RIT2: variants seen among roughly 807,000 people sequenced by gnomAD.
The protein encoded by RIT2 is GTP-binding protein Rit2.
A neutral mutation model predicts 23.7 loss-of-function variants in RIT2; 24 were observed. The observed-to-expected ratio is 1.01, with a 90% CI of 0.73 to 1.43. The LOEUF is 1.43. RIT2 is among the 40% of genes most tolerant of loss of function. The probability of loss-of-function intolerance (pLI) is 0.00; values close to 1 mark genes in which losing one functional copy is unlikely to be tolerated. For missense variants in RIT2, 236 were observed against 266.9 expected, an observed-to-expected ratio of 0.88 and a Z score of 0.81; for synonymous variants, 107 against 91.1, an observed-to-expected ratio of 1.17 and a Z score of -0.99.
intron 4 of RIT2, among the ~76,000 whole-genome samples, chr18:42,831,213 G>T (rs1906447958): frequency 6.6e-6 from 1 of 152,142 alleles, no homozygotes; most frequent in Non-Finnish European, 1.5e-5. Flanking sequence ...TGAAAGGCAG[G>T]AATAGTTTCT....
chr18:42,780,177 C>T (rs2143930520), intron 4 of RIT2, among the ~76,000 whole-genome samples: 1 of 144,492 alleles, frequency 6.9e-6, no homozygotes, highest in Admixed American at 7.4e-5. Flanking sequence ...TTTAGGGAGG[C>T]AGAAGTTATA....
In RIT2 at chr18:42,923,732, A is replaced by G. The variant is rs1213491100; in HGVS notation, c.266T>C (p.Met89Thr). ...GATGATGAAGCCTTCCCCACCTCGCATGTACTGCTCCCGCATGGCTGTGAA... is the reference window on the plus strand; with the variant it reads ...GATGATGAAGCCTTCCCCACCTCGCGTGTACTGCTCCCGCATGGCTGTGAA... ...AEFTAMREQY[M>T]RGGEGFIICY... The change falls in exon 4 of 5, where the codon ATG becomes ACG. Residue 89 changes from methionine (M) to threonine (T), a missense_variant. By Grantham distance (81) the Met-to-Thr change is moderately conservative (BLOSUM62 -1). Transcript: ENST00000326695. 2 of 1,612,176 alleles carry G rather than the reference A, an allele frequency of 1.2e-6. No individual in the cohort carries two copies. Among genetic ancestry groups the G allele is most frequent in the African/African-American group, 1.3e-5 (1 of 74,360 alleles).
At chr18:42,823,812 C>A (rs1906220270) in intron 4 of RIT2, among the ~76,000 whole-genome samples, 1 of 152,090 alleles carries the variant, frequency 6.6e-6, no homozygotes, top group Non-Finnish European at 1.5e-5. Flanking sequence ...GGGCTCAATT[C>A]ACGGAGTCAA....
chr18:42,809,043 T>C (rs949907847), intron 4 of RIT2, among the ~76,000 whole-genome samples: 1 of 152,132 alleles, frequency 6.6e-6, no homozygotes, highest in Non-Finnish European at 1.5e-5. Context: ...TTCAAGGATT[T>C]CAACACACTG....
chr18:43,105,728 C>T lies in RIT2; in HGVS notation c.103+9689G>A, dbSNP rs546491177. On this transcript the variant is annotated intron_variant, in intron 1 of 4. Coordinates refer to ENST00000326695, the MANE Select transcript of RIT2 (RefSeq NM_002930.4). ...AAATAAAAACAAAGCTATCCATTTA[C>T]GTTATAAACTTTGTCCCACAGTTTG... Among the ~76,000 whole-genome samples the T allele has an allele frequency of 6.3e-4, 96 of 152,210 alleles. No individual in the cohort carries two copies. In the South Asian group the frequency reaches 0.017, roughly 27 times the overall value.
intron 3 of RIT2, among the ~76,000 whole-genome samples, chr18:42,947,880 G>C (rs1018150677): frequency 6.6e-6 from 1 of 152,070 alleles, no homozygotes; most frequent in African/African-American, 2.4e-5. Context: ...TTCCCCTAGA[G>C]AGTAGGTGCT....
At chr18:42,970,240 T>A (rs2144198992) in intron 3 of RIT2, among the ~76,000 whole-genome samples, 1 of 151,778 alleles carries the variant, frequency 6.6e-6, no homozygotes, top group African/African-American at 2.4e-5. Context: ...AATTCTCAGC[T>A]CATTGTAAGA....
At chr18:42,909,810 T>C (rs1908720488) in intron 4 of RIT2, among the ~76,000 whole-genome samples, 1 of 151,954 alleles carries the variant, frequency 6.6e-6, no homozygotes, top group Non-Finnish European at 1.5e-5. Context: ...TAAAAGATGA[T>C]GACTGGGATC....
rs554899837 is a variant in RIT2, at chr18:42,998,779, T to G, written c.161-24632A>C. ...TGCTAAAGCTTAGAAGGCTGCTCTG[T>G]CAGTCTGCAATGGTGTCTGCAATTA... On this transcript the variant is annotated intron_variant, in intron 2 of 4. Coordinates refer to ENST00000326695, the MANE Select transcript of RIT2 (RefSeq NM_002930.4). 7.8e-4 allele frequency among the ~76,000 whole-genome samples: 118 copies of G among 152,232 alleles called. 1 individual carries two copies. The highest frequency in any genetic ancestry group is 2.6e-3 in the African/African-American group (108 of 41,584).
At chr18:42,813,545 C>A (rs569114760) in intron 4 of RIT2, among the ~76,000 whole-genome samples, 1 of 152,184 alleles carries the variant, frequency 6.6e-6, no homozygotes, top group African/African-American at 2.4e-5. Flanking sequence ...ATATCAAAAA[C>A]AGCCATATAA....
At chr18:42,881,133 C>T (rs1476482973) in intron 4 of RIT2, among the ~76,000 whole-genome samples, 1 of 152,146 alleles carries the variant, frequency 6.6e-6, no homozygotes, top group Non-Finnish European at 1.5e-5. Flanking sequence ...AAACATCCCA[C>T]ATCCTGCTGC....
At chr18:43,007,708 G>A (rs1442405399) in intron 2 of RIT2, among the ~76,000 whole-genome samples, 1 of 151,626 alleles carries the variant, frequency 6.6e-6, no homozygotes, top group Non-Finnish European at 1.5e-5. Context: ...TACCCACCAG[G>A]TATGTTTGTC....
chr18:42,870,344 G>A (rs959042309), intron 4 of RIT2, among the ~76,000 whole-genome samples: 2 of 151,986 alleles, frequency 1.3e-5, no homozygotes, highest in East Asian at 3.9e-4. Flanking sequence ...AGGTTCAAGC[G>A]ATTCTCCTGC....
intron 4 of RIT2, among the ~76,000 whole-genome samples, chr18:42,888,606 A>G (rs752726982): frequency 4.0e-5 from 6 of 151,842 alleles, no homozygotes; most frequent in Admixed American, 6.6e-5. Flanking sequence ...AGACACATGC[A>G]CTCATATATT....
At chr18:43,059,439 A>G (rs1912589272) in intron 1 of RIT2, among the ~76,000 whole-genome samples, 2 of 152,156 alleles carry the variant, frequency 1.3e-5, no homozygotes, top group South Asian at 4.1e-4. Flanking sequence ...CTTGAGCGAT[A>G]TCAGGAGTTA....
At chr18:42,762,481 C>T (rs960963140) in intron 4 of RIT2, among the ~76,000 whole-genome samples, 3 of 152,088 alleles carry the variant, frequency 2.0e-5, no homozygotes, top group African/African-American at 7.2e-5. Context: ...TACATTCTAA[C>T]AAAAAGGATG....
rs528335885 is a variant in RIT2, at chr18:43,055,844, G to A, written c.104-21977C>T. On this transcript the variant is annotated intron_variant, in intron 1 of 4. Transcript: ENST00000326695. The stretch of plus-strand genomic sequence containing the variant: ...CAGAGGTGTACCACAGGTCTAGTAG[G>A]CAAGGATGTGAATGCAGAGAAGTAA... Among the ~76,000 whole-genome samples, 9 of 152,178 alleles carry A rather than the reference G, an allele frequency of 5.9e-5. No individual in the cohort carries two copies. The South Asian group carries it at 1.2e-3, about 21-fold the overall frequency.
chr18:42,972,968 T>C (rs1910396076), intron 3 of RIT2, among the ~76,000 whole-genome samples: 1 of 151,874 alleles, frequency 6.6e-6, no homozygotes, highest in Middle Eastern at 3.5e-3. Flanking sequence ...GATTTACAGT[T>C]CTCTTGATTT....
chr18:42,929,032 G>GATATATAT (rs1187388200), intron 3 of RIT2, among the ~76,000 whole-genome samples: 75 of 16,062 alleles, frequency 4.7e-3, no homozygotes, highest in African/African-American at 0.01. Context: ...CTAAAATATG[G>GATATATAT]AGATATATAT....
Sources: gnomAD v4.1 joint callset for allele counts (sites outside exome capture counted in the v4.1 genomes callset) on GRCh38, gnomAD v4.1.1 for gene constraint, MANE v1.5 for transcripts, NCBI Gene and HGNC (gene_info 2026-07-23, HGNC 2026-07-21) for gene names.